BLMH: variants seen among roughly 807,000 people sequenced by gnomAD.
BLMH encodes the protein BLM hydrolase.
In BLMH, 32 loss-of-function variants were observed where a neutral mutation model predicts 61.6. That is an observed-to-expected ratio of 0.52 (90% CI 0.39 to 0.70). The LOEUF (loss-of-function observed/expected upper bound fraction) is 0.70, where lower values mean the gene tolerates loss of function less well. Among genes scored for constraint, BLMH ranks in the 30% least tolerant of loss-of-function variants. The pLI, the probability that BLMH is intolerant of heterozygous loss-of-function variation, is 0.00. For missense variants in BLMH, 460 were observed against 555.5 expected (o/e 0.83, Z 1.73); for synonymous variants, 183 against 193.8 (o/e 0.94, Z 0.46).
At chr17:30,290,318 G>A (rs547226334) in intron 2 of BLMH, among the ~76,000 whole-genome samples, 2 of 152,306 alleles carry the variant, frequency 1.3e-5, no homozygotes, top group African/African-American at 4.8e-5. Context: ...GACCTGACCT[G>A]TTCCCTAACG....
At chr17:30,278,531 T>C (rs925412859) in intron 6 of BLMH, among the ~76,000 whole-genome samples, 44 of 152,166 alleles carry the variant, frequency 2.9e-4, no homozygotes, top group African/African-American at 9.4e-4. Context: ...ATACTTCTTA[T>C]ACACTTTGTC....
At position 30,287,867 on chromosome 17, in the gene BLMH, C is replaced by G; in HGVS notation, c.402G>C (p.Gln134His). 6.2e-7 allele frequency: 1 copy of G among 1,614,154 alleles called. No homozygotes were observed. Among genetic ancestry groups the G allele is most frequent in the South Asian group, 1.1e-5 (1 of 91,082 alleles). ...CATTTGCAGGGTTCATAAGCAAAAA[C>G]TGCACCAGCCTCCCATCCTCAGGCT... Reference protein sequence around the residue: ...RKEPEDGRLVQFLLMNPANDG... With the variant: ...RKEPEDGRLVHFLLMNPANDG... Residue 134 changes from glutamine to histidine, a missense_variant, in exon 4 of 12, where the codon CAG becomes CAC. By Grantham distance (24) the Gln-to-His change is conservative. Coordinates refer to ENST00000261714, the MANE Select transcript of BLMH (RefSeq NM_000386.4).
chr17:30,286,268 T>C (rs1328178375), intron 5 of BLMH, among the ~76,000 whole-genome samples: 1 of 152,224 alleles, frequency 6.6e-6, no homozygotes, highest in Non-Finnish European at 1.5e-5. Flanking sequence ...GTAGGAATTA[T>C]AACTCTCCTA....
At chr17:30,271,048 G>T (rs1475013272) in intron 10 of BLMH, among the ~76,000 whole-genome samples, 1 of 152,122 alleles carries the variant, frequency 6.6e-6, no homozygotes, top group South Asian at 2.1e-4. Context: ...TTACTTGGTC[G>T]CTCCCTGCTG....
intron 11 of BLMH, among the ~76,000 whole-genome samples, chr17:30,256,676 G>T (rs1907825339): frequency 6.7e-6 from 1 of 148,312 alleles, no homozygotes. Context: ...TTTTCTTTTG[G>T]TTTTTAACTG....
chr17:30,278,597 A>T (rs543623826), intron 6 of BLMH, among the ~76,000 whole-genome samples: 1 of 152,314 alleles, frequency 6.6e-6, no homozygotes, highest in African/African-American at 2.4e-5. Flanking sequence ...TGTGTTGTTC[A>T]CTGTTTAATC....
chr17:30,291,169 C>T, intron 2 of BLMH, 142 bp downstream of exon 2: 4 of 1,042,338 alleles, frequency 3.8e-6, no homozygotes, highest in Non-Finnish European at 5.5e-6. Flanking sequence ...TGTTCTTAGA[C>T]CTGCCTGTAC....
At chr17:30,266,787 T>C in intron 11 of BLMH, 98 bp downstream of exon 11, 1 of 1,094,254 alleles carries the variant, frequency 9.1e-7, no homozygotes, top group Non-Finnish European at 1.4e-6. Context: ...TGGAGCCAAT[T>C]ACTGAGAAAT....
intron 10 of BLMH, among the ~76,000 whole-genome samples, chr17:30,268,768 G>A (rs1908180865): frequency 6.6e-6 from 1 of 151,630 alleles, no homozygotes; most frequent in African/African-American, 2.4e-5. Context: ...TGGGCACAGT[G>A]GCTCATGCCT....
intron 7 of BLMH, 134 bp downstream of exon 7, chr17:30,273,908 G>C: frequency 9.1e-7 from 1 of 1,099,988 alleles, no homozygotes; most frequent in Non-Finnish European, 1.3e-6. Context: ...ATACTTCAGA[G>C]GAAGTGGGGA....
intron 7 of BLMH, 53 bp downstream of exon 7, chr17:30,273,989 T>A: frequency 6.3e-7 from 1 of 1,598,568 alleles, no homozygotes; most frequent in Non-Finnish European, 8.6e-7. Context: ...TTCCCTGTGG[T>A]TAACAGCCAT....
chr17:30,288,098 C>T (rs897135009), intron 3 of BLMH, 151 bp from the exon 4 acceptor site: 2 of 816,746 alleles, frequency 2.4e-6, no homozygotes, highest in Non-Finnish European at 3.6e-6. Flanking sequence ...CATGAATTTG[C>T]ATGTCATCCT....
chr17:30,267,468 C>A (rs574795961), intron 10 of BLMH, among the ~76,000 whole-genome samples: 1 of 152,060 alleles, frequency 6.6e-6, no homozygotes, highest in Admixed American at 6.6e-5. Flanking sequence ...CTTGGGGAAA[C>A]CAAATAATGA....
chr17:30,282,229 T>G (rs1908611492), intron 6 of BLMH, among the ~76,000 whole-genome samples: 1 of 149,038 alleles, frequency 6.7e-6, no homozygotes, highest in South Asian at 2.2e-4. Flanking sequence ...GTTTTTTTTT[T>G]TTTTTTTTTT....
chr17:30,267,018 A>G lies in BLMH; in HGVS notation c.1147-64T>C, dbSNP rs552019111. 7.3e-6 allele frequency: 11 copies of G among 1,501,720 alleles called. No individual in the cohort carries two copies. The South Asian group carries it at 1.1e-4, about 16-fold the overall frequency. The allele number at this position is 1,501,720 out of a possible 1,614,324, so 93.0% of individuals were successfully genotyped here. A position where few individuals can be genotyped will look rare whatever the true frequency, so the allele number is the denominator to read the frequency against. On this transcript the variant is annotated intron_variant, in intron 10 of 11. Transcript: ENST00000261714. ...GATTCTCCCTGCTGAGGTGTCATAT[A>G]ATTTTAGCTCTTCTGTAGCCACTTG...
chr17:30,255,537 T>G (rs1907789007), intron 11 of BLMH, among the ~76,000 whole-genome samples: 1 of 152,232 alleles, frequency 6.6e-6, no homozygotes, highest in Non-Finnish European at 1.5e-5. Flanking sequence ...TCTCCTTTTA[T>G]GTGTTTGCTT....
intron 6 of BLMH, among the ~76,000 whole-genome samples, chr17:30,282,354 T>C (rs1342235738): frequency 6.6e-6 from 1 of 151,808 alleles, no homozygotes; most frequent in East Asian, 1.9e-4. Context: ...GCAGCTGGCA[T>C]TATAGGCATG....
chr17:30,262,229 C>T (rs1158505803), intron 11 of BLMH, among the ~76,000 whole-genome samples: 1 of 152,090 alleles, frequency 6.6e-6, no homozygotes, highest in Non-Finnish European at 1.5e-5. Flanking sequence ...ATGATAATTC[C>T]ACATTTAGAG....
intron 6 of BLMH, among the ~76,000 whole-genome samples, chr17:30,278,945 G>T (rs868376367): frequency 5.9e-5 from 9 of 152,184 alleles, no homozygotes; most frequent in Admixed American, 2.6e-4. Flanking sequence ...GATTATAGGC[G>T]TAAGCCGCCA....
Sources: allele counts gnomAD v4.1 joint callset (sites outside exome capture counted in the v4.1 genomes callset), GRCh38; gene constraint gnomAD v4.1.1; transcripts MANE v1.5; gene names NCBI Gene and HGNC (gene_info 2026-07-23, HGNC 2026-07-21).